Variants in ORMDL1 observed in about 807,000 individuals in gnomAD.
The protein encoded by ORMDL1 is ORM1-like protein 1.
A neutral mutation model predicts 13.0 loss-of-function variants in ORMDL1; 10 were observed. The ratio of observed to expected loss-of-function variants is 0.77; its 90% confidence interval spans 0.47 to 1.30. The LOEUF (loss-of-function observed/expected upper bound fraction) is 1.30. ORMDL1 is among the 50% of genes most tolerant of loss of function. ORMDL1 has a pLI of 0.00. For missense variants in ORMDL1, 171 were observed against 186.7 expected (o/e 0.92, Z 0.49); for synonymous variants, 61 against 63.9 (o/e 0.95, Z 0.22).
intron 4 of ORMDL1, 95 bp from the exon 5 acceptor site, chr2:189,771,997 G>A: frequency 1.1e-6 from 1 of 899,306 alleles, no homozygotes. Context: ...GGCCACTAAA[G>A]CATAAATACC....
intron 3 of ORMDL1, among the ~76,000 whole-genome samples, chr2:189,779,550 T>G (rs1559190162): frequency 6.6e-6 from 1 of 152,224 alleles, no homozygotes; most frequent in Non-Finnish European, 1.5e-5. Context: ...TGAGACAAGG[T>G]GAAGTCTCCT....
Position 189,771,693 on chromosome 2 carries a change from G to A in ORMDL1, c.*74C>T. 2.3e-6 allele frequency: 3 copies of A among 1,284,344 alleles called. No homozygotes were observed. In the South Asian group the frequency reaches 4.6e-5, roughly 20 times the overall value. 79.6% of individuals were successfully genotyped at this position (1,284,344 alleles called of 1,614,324 possible). A position where few individuals can be genotyped will look rare whatever the true frequency, so the allele number is the denominator to read the frequency against. ...CTCATTTCACATTATCACAGAAACA[G>A]TGCAGTTTACTAACCACTCCTTCCT... On this transcript the variant is annotated 3_prime_UTR_variant, in exon 5 of 5. Coordinates refer to ENST00000392349, the MANE Select transcript of ORMDL1 (RefSeq NM_016467.5).
chr2:189,765,124 C>T, the ORMDL1 span: 1 of 152,204 alleles, frequency 6.6e-6, no homozygotes, highest in Admixed American at 6.5e-5. Context: ...AGCCACCACG[C>T]CTGGCCCAAA....
At chr2:189,769,831 A>G (rs2047542218), downstream of ORMDL1, among the ~76,000 whole-genome samples, 1 of 152,240 alleles carries the variant, frequency 6.6e-6, no homozygotes, top group Non-Finnish European at 1.5e-5. Flanking sequence ...GCTGCAAGAA[A>G]GATCCACCAA....
At chr2:189,767,099 T>G (rs942275773), downstream of ORMDL1, among the ~76,000 whole-genome samples, 4 of 152,374 alleles carry the variant, frequency 2.6e-5, no homozygotes, top group African/African-American at 9.6e-5. Flanking sequence ...GTTCCTGCTT[T>G]TACTTCTTTT....
chr2:189,780,622 T>C (rs1408186621), intron 3 of ORMDL1, among the ~76,000 whole-genome samples: 1 of 151,922 alleles, frequency 6.6e-6, no homozygotes, highest in African/African-American at 2.4e-5. Flanking sequence ...ACCTTGGGAA[T>C]AGAAATATTT....
At chr2:189,781,149 C>CTGAGCTCAAG (rs1294601436) in intron 3 of ORMDL1, among the ~76,000 whole-genome samples, 1 of 152,092 alleles carries the variant, frequency 6.6e-6, no homozygotes, top group African/African-American at 2.4e-5. Flanking sequence ...TCTTGAAATC[C>CTGAGCTCAAG]TGAGCTCAAG....
At chr2:189,779,254 ACT>A (rs1441117092) in intron 3 of ORMDL1, among the ~76,000 whole-genome samples, 1 of 152,132 alleles carries the variant, frequency 6.6e-6, no homozygotes, top group East Asian at 1.9e-4. Context: ...GTGCAGAAGG[ACT>A]GCTTGAGGCC....
rs10651239 is a variant in ORMDL1 at position 189,771,300 on chromosome 2, C to CAA, written c.*466_*467insTT. On this transcript the variant is annotated 3_prime_UTR_variant, in exon 5 of 5. Coordinates refer to ENST00000392349, the MANE Select transcript of ORMDL1 (RefSeq NM_016467.5). ...AGGATATACATCCGCTTACATAAAA[C>CAA]GAGAAATATGTACGGTAATAAAAAT... 149,641 of 152,452 alleles carry CAA rather than the reference C, an allele frequency of 0.98. 73,501 individuals are homozygous for CAA. Among genetic ancestry groups the CAA allele is most frequent in the East Asian group, 1 (5,192 of 5,192 alleles). The allele number at this position is 152,452 out of a possible 1,614,324, so 9.4% of individuals were successfully genotyped here.
chr2:189,764,486 T>C, the ORMDL1 span: 2 of 152,182 alleles, frequency 1.3e-5, no homozygotes, highest in Admixed American at 1.3e-4. Context: ...AGTATGGAAT[T>C]TTATCTTTCC....
At chr2:189,768,796 A>C (rs1479677458), downstream of ORMDL1, among the ~76,000 whole-genome samples, 2 of 152,230 alleles carry the variant, frequency 1.3e-5, no homozygotes, top group African/African-American at 4.8e-5. Flanking sequence ...CTATATAATA[A>C]GTAATAAACT....
downstream of ORMDL1, among the ~76,000 whole-genome samples, chr2:189,767,589 A>T (rs1020702513): frequency 6.6e-6 from 1 of 152,244 alleles, no homozygotes; most frequent in Non-Finnish European, 1.5e-5. Context: ...ACTATTTTAC[A>T]ATGTTAATGA....
At chr2:189,782,368 G>C (rs986711466) in intron 3 of ORMDL1, 54 bp downstream of exon 3, 1 of 1,477,044 alleles carries the variant, frequency 6.8e-7, no homozygotes, top group Non-Finnish European at 9.2e-7. Flanking sequence ...CTTAATTTCC[G>C]GCAACCACTA....
chr2:189,776,931 G>A (rs1426778180), intron 3 of ORMDL1, among the ~76,000 whole-genome samples: 1 of 152,076 alleles, frequency 6.6e-6, no homozygotes, highest in Non-Finnish European at 1.5e-5. Flanking sequence ...TAGAAAGTAG[G>A]GCAGAAATTG....
At chr2:189,777,313 G>A (rs1176188690) in intron 3 of ORMDL1, among the ~76,000 whole-genome samples, 1 of 152,142 alleles carries the variant, frequency 6.6e-6, no homozygotes, top group Non-Finnish European at 1.5e-5. Flanking sequence ...TATTCTGTAA[G>A]CTCTACGAAA....
chr2:189,782,679 C>T, intron 2 of ORMDL1, 77 bp from the exon 3 acceptor site: 1 of 1,354,388 alleles, frequency 7.4e-7, no homozygotes, highest in South Asian at 1.3e-5. Flanking sequence ...TGACAAGGTA[C>T]CTGTGTTGCG....
At chr2:189,783,945 A>AG (rs893493824) in intron 1 of ORMDL1, 6 of 152,332 alleles carry the variant, frequency 3.9e-5, no homozygotes, top group African/African-American at 1.2e-4. Flanking sequence ...GCGGCCCCTC[A>AG]GGGGAGTCCC....
chr2:189,782,753 T>C (rs1482509718), intron 2 of ORMDL1, 151 bp from the exon 3 acceptor site: 3 of 607,844 alleles, frequency 4.9e-6, no homozygotes, highest in African/African-American at 3.7e-5. Context: ...ATGCTACTTG[T>C]AGATGCTGAT....
At chr2:189,772,188 T>C (rs971963960) in intron 4 of ORMDL1, among the ~76,000 whole-genome samples, 1 of 152,156 alleles carries the variant, frequency 6.6e-6, no homozygotes, top group Admixed American at 6.5e-5. Flanking sequence ...AAACTAGGGT[T>C]CATATGCCCT....
Sources: gnomAD v4.1 joint callset for allele counts (sites outside exome capture counted in the v4.1 genomes callset) on GRCh38, gnomAD v4.1.1 for gene constraint, MANE v1.5 for transcripts, NCBI Gene and HGNC (gene_info 2026-07-23, HGNC 2026-07-21) for gene names.